FOXJ1: variants seen among roughly 807,000 people sequenced by gnomAD.
The protein encoded by FOXJ1 is forkhead box protein J1.
A neutral mutation model predicts 29.3 loss-of-function variants in FOXJ1; 8 were observed. The observed-to-expected ratio is 0.27, with a 90% CI of 0.16 to 0.49. FOXJ1 has a LOEUF of 0.49. Among genes scored for constraint, FOXJ1 ranks in the 20% least tolerant of loss-of-function variants. FOXJ1 has a pLI of 0.98. For synonymous variants in FOXJ1, 280 were observed against 278.7 expected, an observed-to-expected ratio of 1.00 and a Z score of -0.05; for missense variants, 539 against 595.5, an observed-to-expected ratio of 0.91 and a Z score of 0.99.
chr17:76,138,338 T>C (rs1050762431), intron 2 of FOXJ1, among the ~76,000 whole-genome samples: 1 of 152,166 alleles, frequency 6.6e-6, no homozygotes, highest in African/African-American at 2.4e-5. Flanking sequence ...TTTTGTTCCC[T>C]GTTGCCGGGA....
In FOXJ1 at chr17:76,137,021, C is replaced by G. The variant is rs3192453; in HGVS notation, c.*332G>C. ...AGGGCCCAGTTCTGTTCCTCCCCAGCCTGACCCGGGCTCCTCCAGGCCTCG... is the reference window on the plus strand; with the variant it reads ...AGGGCCCAGTTCTGTTCCTCCCCAGGCTGACCCGGGCTCCTCCAGGCCTCG... On this transcript the variant is annotated 3_prime_UTR_variant, in exon 3 of 3. Coordinates refer to ENST00000322957, the MANE Select transcript of FOXJ1 (RefSeq NM_001454.4). The surrounding 1 kb of genome is among the most constrained non-coding windows in gnomAD (Gnocchi z 9.5). The G allele has an allele frequency of 0.11, 28,517 of 254,234 alleles. 1,948 individuals carry two copies. The highest frequency in any genetic ancestry group is 0.21 in the African/African-American group (9,246 of 45,048). 15.7% of individuals were successfully genotyped at this position (254,234 alleles called of 1,614,324 possible). A position where few individuals can be genotyped will look rare whatever the true frequency, so the allele number is the denominator to read the frequency against.
rs2068499806 is a variant in FOXJ1 at position 76,139,253 on chromosome 17, G to A, written c.498+645C>T. Among the ~76,000 whole-genome samples the A allele has an allele frequency of 2.0e-5, 3 of 152,320 alleles. No individual in the cohort carries two copies. The South Asian group carries it at 6.2e-4, about 32-fold the overall frequency. On this transcript the variant is annotated intron_variant, in intron 2 of 2. Coordinates refer to ENST00000322957, the MANE Select transcript of FOXJ1 (RefSeq NM_001454.4). This position sits in a 1 kb window ranked among gnomAD's most constrained non-coding sequence, Gnocchi z 6.6. Reference sequence around the variant, plus strand: ...CTGGCTCAGGTAATTGTCCCCCCAGGGAGGTTGGCTGACAGCGGGGGTTGG... The same window carrying A: ...CTGGCTCAGGTAATTGTCCCCCCAGAGAGGTTGGCTGACAGCGGGGGTTGG...
In FOXJ1 at chr17:76,140,720, A is replaced by G. The variant is rs2068511897; in HGVS notation, c.-169-156T>C. On this transcript the variant is annotated intron_variant, in intron 1 of 2. Coordinates refer to ENST00000322957, the MANE Select transcript of FOXJ1 (RefSeq NM_001454.4). The surrounding 1 kb of genome is among the most constrained non-coding windows in gnomAD (Gnocchi z 8.0). The stretch of plus-strand genomic sequence containing the variant: ...AGCAAGGCCCTGGGGTCCCACCCCC[A>G]TCAGATCTGCCTCCCTCTTCCTTTC... 1.3e-5 allele frequency: 4 copies of G among 315,350 alleles called. No individual in the cohort carries two copies. In the East Asian group the frequency reaches 2.2e-4, roughly 18 times the overall value. The allele number at this position is 315,350 out of a possible 1,614,324, so 19.5% of individuals were successfully genotyped here.
chr17:76,138,140 AAGAG>A lies in FOXJ1; in HGVS notation c.499-24_499-21del. On this transcript the variant is annotated intron_variant, in intron 2 of 2. Coordinates refer to ENST00000322957, the MANE Select transcript of FOXJ1 (RefSeq NM_001454.4). ...TGAATTCTGGGTGCAGGGAGAGAGC[AAGAG>A]AGAGAGGAACCGCTAGGTCAGTGGG... 6.2e-7 allele frequency: 1 copy of A among 1,612,796 alleles called. No homozygotes were observed. Among genetic ancestry groups the A allele is most frequent in the Non-Finnish European group, 8.5e-7 (1 of 1,179,624 alleles).
intron 2 of FOXJ1, among the ~76,000 whole-genome samples, chr17:76,138,873 G>A (rs985865299): frequency 6.6e-6 from 1 of 152,198 alleles, no homozygotes; most frequent in African/African-American, 2.4e-5. Flanking sequence ...TTGGGACTGC[G>A]GTCCTGTGGC....
rs2068491285 is a variant in FOXJ1, at chr17:76,138,025, G to A, written c.594C>T (p.Asp198=). The A allele has an allele frequency of 2.5e-6, 4 of 1,613,820 alleles. No individual in the cohort carries two copies. The East Asian group carries it at 6.7e-5, about 27-fold the overall frequency. Residue 198 remains aspartate (D), a synonymous_variant, in exon 3 of 3, where the codon GAC becomes GAT. Transcript: ENST00000322957. ...TCAGTAGCCGCTCCGCGTACTGGGG[G>A]TCAATGCGCCAGAAGCCCCCCTTGC... The part of the protein sequence containing the change: ...EPGKGGFWRI[D]PQYAERLLSG...
chr17:76,138,240 G>GC lies in FOXJ1; in HGVS notation c.499-121_499-120insG, dbSNP rs995679479. ...CTTTTCTCTGGCAGGGGAGAGGAGG[G>GC]GGGGACAGACACACTGGTCTGCCCA... On this transcript the variant is annotated intron_variant, in intron 2 of 2. Transcript: ENST00000322957. 3 of 1,110,526 alleles carry GC rather than the reference G, an allele frequency of 2.7e-6. No homozygotes were observed. In the African/African-American group the frequency reaches 4.7e-5, roughly 17 times the overall value. 68.8% of individuals were successfully genotyped at this position (1,110,526 alleles called of 1,614,324 possible). A position where few individuals can be genotyped will look rare whatever the true frequency, so the allele number is the denominator to read the frequency against.
Position 76,140,027 on chromosome 17 carries a change from G to C in FOXJ1, c.369C>G (p.Pro123=). ...DYATNPHVKP[P]YSYATLICMA... is the part of the protein sequence containing the mutation. Reference sequence around the variant, plus strand: ...TGCAGATGAGCGTGGCATACGAGTAGGGAGGCTTCACGTGCGGATTGGTGG... The same window carrying C: ...TGCAGATGAGCGTGGCATACGAGTACGGAGGCTTCACGTGCGGATTGGTGG... The change falls in exon 2 of 3, where the codon CCC becomes CCG. Residue 123 remains proline (P), a synonymous_variant. Coordinates refer to ENST00000322957, the MANE Select transcript of FOXJ1 (RefSeq NM_001454.4). This position sits in a 1 kb window ranked among gnomAD's most constrained non-coding sequence, Gnocchi z 8.0. 5.6e-6 allele frequency: 9 copies of C among 1,613,010 alleles called. No individual in the cohort carries two copies. Among genetic ancestry groups the C allele is most frequent in the Non-Finnish European group, 7.6e-6 (9 of 1,179,972 alleles).
chr17:76,136,581 CTACAT>C lies in FOXJ1; in HGVS notation c.*767_*771del, dbSNP rs2068481006. The C allele has an allele frequency of 6.6e-6, 1 of 152,176 alleles. No individual in the cohort carries two copies. The highest frequency in any genetic ancestry group is 2.4e-5 in the African/African-American group (1 of 41,410). The allele number at this position is 152,176 out of a possible 1,614,324, so 9.4% of individuals were successfully genotyped here. ...TAAGCCTCAGCTACAGCTACACTCA[CTACAT>C]TAGTCTGTCTGTCCTGCCCCATACA... is the stretch of plus-strand genomic sequence containing the variant. On this transcript the variant is annotated 3_prime_UTR_variant, in exon 3 of 3. Coordinates refer to ENST00000322957, the MANE Select transcript of FOXJ1 (RefSeq NM_001454.4). This position sits in a 1 kb window ranked among gnomAD's most constrained non-coding sequence, Gnocchi z 4.9.
In FOXJ1 at chr17:76,140,886, CG is replaced by C. The variant is rs1209353226; in HGVS notation, c.-170+227del. On this transcript the variant is annotated intron_variant, in intron 1 of 2. Coordinates refer to ENST00000322957, the MANE Select transcript of FOXJ1 (RefSeq NM_001454.4). The surrounding 1 kb of genome is among the most constrained non-coding windows in gnomAD (Gnocchi z 8.0). ...CGAGAAGTTTGGGAGGGCGGTACGA[CG>C]GGGCGGGGGCGGTGGAGGTCCTCTG... 6.7e-6 allele frequency among the ~76,000 whole-genome samples: 1 copy of C among 148,636 alleles called. No homozygotes were observed. The highest frequency in any genetic ancestry group is 1.5e-5 in the Non-Finnish European group (1 of 67,148).
Position 76,137,770 on chromosome 17 carries a change from G to A in FOXJ1, c.849C>T (p.Ala283=). ...KRKQPLPKRV[A]KVPRPPSTLL... ...GGGTGCTGGGGGGCCGCGGGACCTT[G>A]GCCACCCGCTTGGGCAGCGGCTGTT... Residue 283 remains alanine, a synonymous_variant, in exon 3 of 3, where the codon GCC becomes GCT. Transcript: ENST00000322957. The surrounding 1 kb of genome is among the most constrained non-coding windows in gnomAD (Gnocchi z 9.5). 1.2e-6 allele frequency: 2 copies of A among 1,609,426 alleles called. No homozygotes were observed. Among genetic ancestry groups the A allele is most frequent in the Non-Finnish European group, 1.7e-6 (2 of 1,178,046 alleles).
At position 76,137,334 on chromosome 17, in the gene FOXJ1, T is replaced by C. The variant is rs760391614; in HGVS notation, c.*19A>G. The C allele has an allele frequency of 2.2e-5, 32 of 1,466,098 alleles. No individual in the cohort carries two copies. The Middle Eastern group carries it at 7.3e-4, about 34-fold the overall frequency. 90.8% of individuals were successfully genotyped at this position (1,466,098 alleles called of 1,614,324 possible). ...CCCTGACTTGGGCACTGTCCAGAGG[T>C]GGGGCAGGGCCTGGCCTCTTACAAG... is the stretch of plus-strand genomic sequence containing the variant. On this transcript the variant is annotated 3_prime_UTR_variant, in exon 3 of 3. Transcript: ENST00000322957. This position sits in a 1 kb window ranked among gnomAD's most constrained non-coding sequence, Gnocchi z 9.5.
At chr17:76,138,243 G>T in intron 2 of FOXJ1, 123 bp from the exon 3 acceptor site, 2 of 1,071,126 alleles carry the variant, frequency 1.9e-6, no homozygotes, top group South Asian at 3.0e-5. Context: ...GAGGAGGGGG[G>T]GACAGACACA....
In FOXJ1 at chr17:76,138,496, T is replaced by G. The variant is rs549867266; in HGVS notation, c.499-376A>C. Among the ~76,000 whole-genome samples, 3 of 152,180 alleles carry G rather than the reference T, an allele frequency of 2.0e-5. No individual in the cohort carries two copies. The East Asian group carries it at 5.8e-4, about 30-fold the overall frequency. On this transcript the variant is annotated intron_variant, in intron 2 of 2. Transcript: ENST00000322957. ...CAGGGCCTGGACCACCGTCTCCCTT[T>G]GCCTGGGCCTGGCTGGCCCTCTCTG...
chr17:76,138,750 C>T (rs761700446), intron 2 of FOXJ1, among the ~76,000 whole-genome samples: 11 of 152,282 alleles, frequency 7.2e-5, no homozygotes, highest in Non-Finnish European at 1.3e-4. Context: ...TCCTGGGGCC[C>T]GTTTCTCGAA....
chr17:76,140,414 A>C lies in FOXJ1; in HGVS notation c.-19T>G. 7.0e-7 allele frequency: 1 copy of C among 1,421,046 alleles called. No homozygotes were observed. Among genetic ancestry groups the C allele is most frequent in the South Asian group, 1.5e-5 (1 of 67,482 alleles). The allele number at this position is 1,421,046 out of a possible 1,614,324, so 88.0% of individuals were successfully genotyped here. ...CCGCCATGTCTGCGGGGACTCTCCG[A>C]GGGGGCGGTCAGCATCCACGGGCTG... On this transcript the variant is annotated 5_prime_UTR_variant, in exon 2 of 3. Coordinates refer to ENST00000322957, the MANE Select transcript of FOXJ1 (RefSeq NM_001454.4). The surrounding 1 kb of genome is among the most constrained non-coding windows in gnomAD (Gnocchi z 8.0).
Position 76,140,062 on chromosome 17 carries a change from C to A in FOXJ1, c.334G>T (p.Val112Leu). The change falls in exon 2 of 3, where the codon GTG (valine) becomes TTG (leucine). Residue 112 changes from valine (V) to leucine (L), a missense_variant. Around this residue, in one of 3 missense-constraint regions of FOXJ1, gnomAD observed 178 missense variants for 254.4 expected, o/e 0.70. Transcript: ENST00000322957. This position sits in a 1 kb window ranked among gnomAD's most constrained non-coding sequence, Gnocchi z 8.0. ...ACGTGCGGATTGGTGGCGTAGTCCA[C>A]GTCGTCGGGGGGTGGGGCCTGCAGC... is the stretch of plus-strand genomic sequence containing the variant. ...PGLQAPPPDD[V>L]DYATNPHVKP... 1 of 1,608,424 alleles carries A rather than the reference C, an allele frequency of 6.2e-7. No individual in the cohort carries two copies. Among genetic ancestry groups the A allele is most frequent in the Non-Finnish European group, 8.5e-7 (1 of 1,179,842 alleles).
In FOXJ1 at chr17:76,138,092, T is replaced by C; in HGVS notation, c.527A>G (p.Asn176Ser). The C allele has an allele frequency of 1.2e-6, 2 of 1,613,882 alleles. No individual in the cohort carries two copies. Among genetic ancestry groups the C allele is most frequent in the Non-Finnish European group, 1.7e-6 (2 of 1,180,022 alleles). The change falls in exon 3 of 3, where the codon AAC becomes AGC. Residue 176 changes from asparagine (N) to serine (S), a missense_variant. By Grantham distance (46) the Asn-to-Ser change is conservative (BLOSUM62 1). Transcript: ENST00000322957. ...CCGAGGCACTTTGATGAAGCACTTG[T>C]TCAGAGACAGGTTGTGGCGGATTGA... ...QNSIRHNLSLNKCFIKVPREK... is the reference protein window; with the variant it reads ...QNSIRHNLSLSKCFIKVPREK...
rs775009961 is a variant in FOXJ1, at chr17:76,137,291, T to C, written c.*62A>G. ...GTGGTGGGGTGTCTGTGGACCTGTG[T>C]TGGGGGGCAGTTCTGGACCCTGACT... On this transcript the variant is annotated 3_prime_UTR_variant, in exon 3 of 3. Coordinates refer to ENST00000322957, the MANE Select transcript of FOXJ1 (RefSeq NM_001454.4). This position sits in a 1 kb window ranked among gnomAD's most constrained non-coding sequence, Gnocchi z 9.5. 1.2e-5 allele frequency: 16 copies of C among 1,370,010 alleles called. No individual in the cohort carries two copies. The highest frequency in any genetic ancestry group is 1.5e-5 in the Non-Finnish European group (16 of 1,049,618). 84.9% of individuals were successfully genotyped at this position (1,370,010 alleles called of 1,614,324 possible). A position where few individuals can be genotyped will look rare whatever the true frequency, so the allele number is the denominator to read the frequency against.
Sources: allele counts gnomAD v4.1 joint callset (sites outside exome capture counted in the v4.1 genomes callset), GRCh38; gene constraint gnomAD v4.1.1; regional missense constraint gnomAD v4.1.1; non-coding constraint Gnocchi (gnomAD v3.1); transcripts MANE v1.5; gene names NCBI Gene and HGNC (gene_info 2026-07-23, HGNC 2026-07-21).